The following FOXN3 variants were observed in gnomAD, a reference collection of about 807,000 sequenced individuals.
FOXN3 encodes the protein forkhead box N3.
A neutral mutation model predicts 38.4 loss-of-function variants in FOXN3; 7 were observed. That is an observed-to-expected ratio of 0.18 (90% CI 0.10 to 0.34). The LOEUF is 0.34. FOXN3 is among the 10% of genes least tolerant of loss of function. The pLI is 1.00. For synonymous variants in FOXN3, 230 were observed against 242.2 expected (o/e 0.95, Z 0.47); for missense variants, 456 against 613.4 (o/e 0.74, Z 2.71).
intron 4 of FOXN3, among the ~76,000 whole-genome samples, chr14:89,265,887 G>A (rs549512267): frequency 6.6e-6 from 1 of 152,336 alleles, no homozygotes; most frequent in South Asian, 2.1e-4. Context: ...AATCTTAGTT[G>A]ATGATGACAT....
intron 4 of FOXN3, among the ~76,000 whole-genome samples, chr14:89,205,908 A>G (rs1167289976): frequency 2.0e-5 from 3 of 152,156 alleles, no homozygotes; most frequent in African/African-American, 7.2e-5. Context: ...CATCCCTGTC[A>G]CGCGCCCTGG....
intron 4 of FOXN3, among the ~76,000 whole-genome samples, chr14:89,238,160 C>G (rs58466422): frequency 6.6e-6 from 1 of 152,150 alleles, no homozygotes; most frequent in Admixed American, 6.5e-5. Flanking sequence ...AGCACCAGAA[C>G]GAAGCCCAAC....
chr14:89,334,232 T>C (rs931634623), intron 3 of FOXN3, among the ~76,000 whole-genome samples: 3 of 152,056 alleles, frequency 2.0e-5, no homozygotes, highest in Non-Finnish European at 4.4e-5. Context: ...AGAAGGGTGG[T>C]TACCAGGGGT....
chr14:89,335,902 T>C (rs572727691), intron 3 of FOXN3, among the ~76,000 whole-genome samples: 9 of 152,214 alleles, frequency 5.9e-5, no homozygotes, highest in South Asian at 4.2e-4. Flanking sequence ...ATTAGAAAGA[T>C]AGCTGAAGTA....
chr14:89,526,609 A>C (rs1894437223), intron 1 of FOXN3, among the ~76,000 whole-genome samples: 1 of 152,192 alleles, frequency 6.6e-6, no homozygotes, highest in South Asian at 2.1e-4. Flanking sequence ...TTAAGGACCT[A>C]AATAAGCGGA....
chr14:89,391,985 AC>A (rs1429816219), intron 2 of FOXN3, among the ~76,000 whole-genome samples: 2 of 152,112 alleles, frequency 1.3e-5, no homozygotes, highest in African/African-American at 4.8e-5. Flanking sequence ...CCAACCTGGA[AC>A]CCTATAAACT....
chr14:89,260,740 G>A (rs928227458), intron 4 of FOXN3, among the ~76,000 whole-genome samples: 1 of 152,310 alleles, frequency 6.6e-6, no homozygotes, highest in African/African-American at 2.4e-5. Context: ...CCCAAGTGTC[G>A]GAATCACTCT....
intron 1 of FOXN3, among the ~76,000 whole-genome samples, chr14:89,524,665 T>G (rs1267994199): frequency 6.6e-6 from 1 of 151,946 alleles, no homozygotes; most frequent in Non-Finnish European, 1.5e-5. Flanking sequence ...AGGAGGACAT[T>G]ATCAACAACT....
chr14:89,298,137 A>G (rs1887102264), intron 3 of FOXN3, among the ~76,000 whole-genome samples: 1 of 152,250 alleles, frequency 6.6e-6, no homozygotes, highest in Admixed American at 6.5e-5. Context: ...CACATACGTT[A>G]TAACATGAAC....
At chr14:89,574,500 A>G (rs1458633240) in intron 1 of FOXN3, among the ~76,000 whole-genome samples, 3 of 152,148 alleles carry the variant, frequency 2.0e-5, no homozygotes, top group African/African-American at 4.8e-5. Flanking sequence ...TACCCAGGAA[A>G]CAGGGAGGAG....
At chr14:89,375,304 GT>G (rs892429252) in intron 2 of FOXN3, among the ~76,000 whole-genome samples, 16 of 151,882 alleles carry the variant, frequency 1.1e-4, no homozygotes, top group East Asian at 9.7e-4. Flanking sequence ...CCTCAATGAA[GT>G]TTTTTTTAAA....
At chr14:89,315,548 G>C (rs2139965317) in intron 3 of FOXN3, among the ~76,000 whole-genome samples, 1 of 152,210 alleles carries the variant, frequency 6.6e-6, no homozygotes, top group African/African-American at 2.4e-5. Flanking sequence ...TGGCTTTGCT[G>C]TCCTCAGAAT....
intron 3 of FOXN3, among the ~76,000 whole-genome samples, chr14:89,334,044 C>CACACAT (rs71130056): frequency 1.9e-4 from 27 of 144,452 alleles, no homozygotes; most frequent in South Asian, 1.3e-3. Context: ...CACACACACA[C>CACACAT]ACACAAAGGA....
intron 3 of FOXN3, among the ~76,000 whole-genome samples, chr14:89,326,192 C>T (rs745756601): frequency 6.6e-6 from 1 of 152,180 alleles, no homozygotes; most frequent in Admixed American, 6.5e-5. Context: ...TCCCAGAGCA[C>T]ACACCTTCTT....
chr14:89,447,735 A>G (rs1892532779), intron 1 of FOXN3, among the ~76,000 whole-genome samples: 1 of 151,422 alleles, frequency 6.6e-6, no homozygotes, highest in Non-Finnish European at 1.5e-5. Flanking sequence ...TCTGCTACCA[A>G]GTCTGTTTTG....
intron 1 of FOXN3, among the ~76,000 whole-genome samples, chr14:89,609,965 G>T (rs1413565936): frequency 6.6e-6 from 1 of 151,946 alleles, no homozygotes; most frequent in African/African-American, 2.4e-5. Context: ...AACCGAGGGA[G>T]AAAAAAATGA....
At chr14:89,417,785 C>T (rs929640769), upstream of FOXN3, 7 of 454,474 alleles carry the variant, frequency 1.5e-5, no homozygotes, top group Admixed American at 1.4e-4. Flanking sequence ...GCGACCACCT[C>T]GTGTCCCGGA....
chr14:89,441,811 AG>A (rs1014026407), intron 1 of FOXN3, among the ~76,000 whole-genome samples: 5 of 152,160 alleles, frequency 3.3e-5, no homozygotes, highest in African/African-American at 1.2e-4. Flanking sequence ...GATTCCACAC[AG>A]GTGACAGCTC....
At chr14:89,305,169 G>A (rs920931401) in intron 3 of FOXN3, among the ~76,000 whole-genome samples, 2 of 152,132 alleles carry the variant, frequency 1.3e-5, no homozygotes, top group Admixed American at 1.3e-4. Context: ...GCTGGTGTCT[G>A]TACCCACTGA....
Sources: allele counts gnomAD v4.1 joint callset (sites outside exome capture counted in the v4.1 genomes callset), GRCh38; gene constraint gnomAD v4.1.1; transcripts MANE v1.5; gene names NCBI Gene and HGNC (gene_info 2026-07-23, HGNC 2026-07-21).